Variants in CNTNAP5 observed in about 807,000 individuals in gnomAD.
CNTNAP5 encodes contactin associated protein family member 5, also known as contactin-associated protein-like 5.
Under a neutral mutation model 150.2 loss-of-function variants are expected in CNTNAP5, and 72 were observed. The observed-to-expected ratio is 0.48, with a 90% CI of 0.40 to 0.58. The LOEUF is 0.58. Among genes scored for constraint, CNTNAP5 ranks in the 20% least tolerant of loss-of-function variants. The pLI, the probability that CNTNAP5 is intolerant of heterozygous loss-of-function variation, is 0.00. For missense variants in CNTNAP5, 1,636 were observed against 1,626.2 expected (o/e 1.01, Z -0.10); for synonymous variants, 672 against 619.8 (o/e 1.08, Z -1.25).
At chr2:124,125,356 G>C (rs941788252) in intron 1 of CNTNAP5, among the ~76,000 whole-genome samples, 20 of 152,162 alleles carry the variant, frequency 1.3e-4, no homozygotes, top group African/African-American at 4.8e-4. Context: ...TCAACAAGAA[G>C]AGCTAACTAT....
At chr2:124,189,141 A>T (rs973450731) in intron 1 of CNTNAP5, among the ~76,000 whole-genome samples, 5 of 152,180 alleles carry the variant, frequency 3.3e-5, no homozygotes, top group African/African-American at 1.2e-4. Context: ...CAGGAGAGAA[A>T]TATTTGTCAA....
chr2:124,189,428 T>C (rs893357351), intron 1 of CNTNAP5, among the ~76,000 whole-genome samples: 3 of 152,178 alleles, frequency 2.0e-5, no homozygotes, highest in Non-Finnish European at 4.4e-5. Context: ...ACACCTACCA[T>C]GCATTTTATT....
Position 124,207,128 on chromosome 2 carries a change from T to G in CNTNAP5, c.83-14577T>G, listed in dbSNP as rs1283924498. Among the ~76,000 whole-genome samples, 8 of 152,210 alleles carry G rather than the reference T, an allele frequency of 5.3e-5. No homozygotes were observed. The East Asian group carries it at 1.5e-3, about 29-fold the overall frequency. On this transcript the variant is annotated intron_variant, in intron 1 of 23. Transcript: ENST00000682447. ...TCCCTTCCTAACACATGTTACAGAC[T>G]TTAAAGAACTAGACTCTGTGACCCA...
chr2:124,675,216 A>T (rs1678914292), intron 13 of CNTNAP5, among the ~76,000 whole-genome samples: 1 of 152,070 alleles, frequency 6.6e-6, no homozygotes, highest in East Asian at 1.9e-4. Flanking sequence ...GTCATTAGTA[A>T]CAATTGATTT....
rs1680848168 is a variant in CNTNAP5, at chr2:124,025,325, TC to T, written c.-324del. 1 of 313,694 alleles carries T rather than the reference TC, an allele frequency of 3.2e-6. No individual in the cohort carries two copies. Among genetic ancestry groups the T allele is most frequent in the African/African-American group, 2.1e-5 (1 of 47,276 alleles). 19.4% of individuals were successfully genotyped at this position (313,694 alleles called of 1,614,324 possible). ...GCGCCCGACGAGGTGGATTTGGCTG[TC>T]CACCGAGCTCCGGCGCCTGTCGTTC... is the stretch of plus-strand genomic sequence containing the variant. On this transcript the variant is annotated 5_prime_UTR_variant, in exon 1 of 24. Coordinates refer to ENST00000682447, the MANE Select transcript of CNTNAP5 (RefSeq NM_001367498.1).
intron 1 of CNTNAP5, among the ~76,000 whole-genome samples, chr2:124,184,084 G>GGGGAGTTCGA: frequency 6.6e-6 from 1 of 152,248 alleles, no homozygotes; most frequent in African/African-American, 2.4e-5. Flanking sequence ...GTAGAGTATT[G>GGGGAGTTCGA]GGGAGTTCGA....
At chr2:124,665,834 CGAG>C (rs1186878710) in intron 13 of CNTNAP5, among the ~76,000 whole-genome samples, 2 of 150,144 alleles carry the variant, frequency 1.3e-5, no homozygotes, top group Non-Finnish European at 2.9e-5. Context: ...TGCAGTGAGC[CGAG>C]ATCAAGCCAC....
chr2:124,296,256 C>G (rs1476051052), intron 3 of CNTNAP5, among the ~76,000 whole-genome samples: 1 of 152,166 alleles, frequency 6.6e-6, no homozygotes, highest in Admixed American at 6.5e-5. Flanking sequence ...ATTTATTTCT[C>G]AGGTCTGTGA....
chr2:124,251,333 A>T (rs1423317942), intron 3 of CNTNAP5, among the ~76,000 whole-genome samples: 1 of 151,774 alleles, frequency 6.6e-6, no homozygotes, highest in Non-Finnish European at 1.5e-5. Flanking sequence ...ACTCATAAAA[A>T]TTGGGCTGGA....
chr2:124,295,819 G>C (rs776447454), intron 3 of CNTNAP5, among the ~76,000 whole-genome samples: 3 of 151,958 alleles, frequency 2.0e-5, no homozygotes, highest in Non-Finnish European at 4.4e-5. Context: ...GACCATATAG[G>C]GTAACTTCCT....
intron 3 of CNTNAP5, among the ~76,000 whole-genome samples, chr2:124,347,602 T>C (rs1420723195): frequency 6.6e-6 from 1 of 152,186 alleles, no homozygotes; most frequent in Non-Finnish European, 1.5e-5. Flanking sequence ...TATGATCCTA[T>C]GATCCCTGTC....
chr2:124,637,281 G>A (rs1383062012), intron 12 of CNTNAP5, among the ~76,000 whole-genome samples: 1 of 152,034 alleles, frequency 6.6e-6, no homozygotes, highest in Admixed American at 6.6e-5. Flanking sequence ...TGCTTTTGTT[G>A]TTGTTGTTGG....
At chr2:124,432,920 A>C (rs895060971) in intron 4 of CNTNAP5, among the ~76,000 whole-genome samples, 6 of 152,246 alleles carry the variant, frequency 3.9e-5, no homozygotes, top group Non-Finnish European at 5.9e-5. Context: ...TTATTGATTT[A>C]ACACAAATAA....
intron 1 of CNTNAP5, among the ~76,000 whole-genome samples, chr2:124,203,516 C>T (rs1685780272): frequency 6.6e-6 from 1 of 152,178 alleles, no homozygotes; most frequent in Non-Finnish European, 1.5e-5. Flanking sequence ...ATTTTCCTTC[C>T]TCACTTCCCT....
chr2:124,548,474 AT>A (rs1188901034), intron 10 of CNTNAP5, among the ~76,000 whole-genome samples: 1 of 152,220 alleles, frequency 6.6e-6, no homozygotes, highest in Admixed American at 6.5e-5. Context: ...CAGGACACTG[AT>A]GAAATTTAAA....
At chr2:124,713,695 C>G (rs1410986006) in intron 13 of CNTNAP5, among the ~76,000 whole-genome samples, 1 of 151,864 alleles carries the variant, frequency 6.6e-6, no homozygotes, top group East Asian at 1.9e-4. Flanking sequence ...TTCTTATTTC[C>G]ATCCTTGCTC....
chr2:124,647,832 C>CA lies in CNTNAP5; in HGVS notation c.1951_1952insA (p.Pro651HisfsTer23). The CA allele has an allele frequency of 6.2e-7, 1 of 1,613,540 alleles. No homozygotes were observed. The highest frequency in any genetic ancestry group is 8.5e-7 in the Non-Finnish European group (1 of 1,179,702). On this transcript the variant is annotated frameshift_variant, in exon 13 of 24. Transcript: ENST00000682447. LOFTEE classifies it high-confidence loss of function. ...AGTGCGGGGCGCTAACCCTGAGAAGCCCTATGCCATGGCCTTGGACTACGG... is the reference window on the plus strand; with the variant it reads ...AGTGCGGGGCGCTAACCCTGAGAAGCACCTATGCCATGGCCTTGGACTACGG...
At chr2:124,458,453 G>A (rs1263996593) in intron 6 of CNTNAP5, among the ~76,000 whole-genome samples, 1 of 151,698 alleles carries the variant, frequency 6.6e-6, no homozygotes, top group East Asian at 1.9e-4. Context: ...CTACTCGTAT[G>A]TGGTTGCTAA....
In CNTNAP5 at chr2:124,713,568, G is replaced by T. The variant is rs963796701; in HGVS notation, c.2078-33661G>T. Reference sequence around the variant, plus strand: ...TTTTTGTATTTTTAGTAGAGACAGGGTTTCACTATGTCGGCTAGGGTGGTC... The same window carrying T: ...TTTTTGTATTTTTAGTAGAGACAGGTTTTCACTATGTCGGCTAGGGTGGTC... On this transcript the variant is annotated intron_variant, in intron 13 of 23. Transcript: ENST00000682447. Among the ~76,000 whole-genome samples, 3 of 151,690 alleles carry T rather than the reference G, an allele frequency of 2.0e-5. No individual in the cohort carries two copies. The East Asian group carries it at 5.8e-4, about 30-fold the overall frequency.
Sources: allele counts gnomAD v4.1 joint callset (sites outside exome capture counted in the v4.1 genomes callset), GRCh38; gene constraint gnomAD v4.1.1; transcripts MANE v1.5; gene names NCBI Gene and HGNC (gene_info 2026-07-23, HGNC 2026-07-21).